The following MYO1D variants were observed in gnomAD, a reference collection of about 807,000 sequenced individuals.
The protein encoded by MYO1D is unconventional myosin-Id.
Under a neutral mutation model 122.0 loss-of-function variants are expected in MYO1D, and 83 were observed. That is an observed-to-expected ratio of 0.68 (90% CI 0.57 to 0.82). MYO1D has a LOEUF of 0.82. MYO1D is among the 40% of genes least tolerant of loss of function. The pLI is 0.00. For missense variants in MYO1D, 1,157 were observed against 1,269.5 expected, an observed-to-expected ratio of 0.91 and a Z score of 1.35; for synonymous variants, 464 against 446.9, an observed-to-expected ratio of 1.04 and a Z score of -0.48.
Position 32,605,123 on chromosome 17 carries a change from C to G in MYO1D, c.2828G>C (p.Gly943Ala), listed in dbSNP as rs761118348. The G allele has an allele frequency of 1.9e-6, 3 of 1,603,998 alleles. No homozygotes were observed. ...SKQPTHESRI[G>A]ELVGVLVNHF... ...ATTCACCAGCACTCCAACAAGTTCTCCAATTCGACTCTCATGGGTTGGCTG... is the reference window on the plus strand; with the variant it reads ...ATTCACCAGCACTCCAACAAGTTCTGCAATTCGACTCTCATGGGTTGGCTG... The change falls in exon 21 of 22, where the codon GGA becomes GCA. Residue 943 changes from glycine (G) to alanine (A), a missense_variant. Coordinates refer to ENST00000318217, the MANE Select transcript of MYO1D (RefSeq NM_015194.3).
chr17:32,698,115 T>C (rs2089196775), intron 16 of MYO1D, among the ~76,000 whole-genome samples: 1 of 152,192 alleles, frequency 6.6e-6, no homozygotes, highest in Non-Finnish European at 1.5e-5. Flanking sequence ...GAAATAATAA[T>C]GGACACTCAT....
intron 21 of MYO1D, among the ~76,000 whole-genome samples, chr17:32,583,052 T>C (rs2087356438): frequency 6.6e-6 from 1 of 152,232 alleles, no homozygotes; most frequent in Non-Finnish European, 1.5e-5. Context: ...GACTTTAACA[T>C]CTCTTGTACT....
chr17:32,745,421 T>A, intron 12 of MYO1D, 136 bp from the exon 13 acceptor site: 1 of 616,544 alleles, frequency 1.6e-6, no homozygotes. Flanking sequence ...GTTCATCTTG[T>A]TCTGTATTAA....
intron 21 of MYO1D, among the ~76,000 whole-genome samples, chr17:32,603,594 T>C (rs1243856008): frequency 1.3e-5 from 2 of 150,268 alleles, no homozygotes; most frequent in Admixed American, 1.3e-4. Context: ...GGCGGGATCT[T>C]GGCTCACAGC....
chr17:32,842,882 CTTTCTT>C (rs1374353221), intron 1 of MYO1D, among the ~76,000 whole-genome samples: 3 of 127,710 alleles, frequency 2.3e-5, no homozygotes, highest in African/African-American at 5.5e-5. Flanking sequence ...ATTTCTATTT[CTTTCTT>C]TTTTTTTTTT....
chr17:32,861,354 C>T (rs1360739112), intron 1 of MYO1D, among the ~76,000 whole-genome samples: 2 of 152,074 alleles, frequency 1.3e-5, no homozygotes, highest in Admixed American at 1.3e-4. Context: ...GTGTGAGCCA[C>T]CGCACCTGGC....
rs530665207 is a variant in MYO1D, at chr17:32,687,289, T to C, written c.2121+24699A>G. On this transcript the variant is annotated intron_variant, in intron 16 of 21. Coordinates refer to ENST00000318217, the MANE Select transcript of MYO1D (RefSeq NM_015194.3). ...TCAGCTCACTGCAAGCTCCGCCTCC[T>C]GGGTTCACGCCATTCTCCTGCCTCA... Among the ~76,000 whole-genome samples the C allele has an allele frequency of 3.2e-4, 49 of 151,402 alleles. No individual in the cohort carries two copies. In the East Asian group the frequency reaches 8.2e-3, roughly 25 times the overall value.
chr17:32,848,770 C>T (rs1260957344), intron 1 of MYO1D, among the ~76,000 whole-genome samples: 1 of 152,080 alleles, frequency 6.6e-6, no homozygotes, highest in African/African-American at 2.4e-5. Context: ...CGTCCCACAC[C>T]CTTCTTGCCA....
At chr17:32,740,038 T>C (rs2089755278) in intron 13 of MYO1D, among the ~76,000 whole-genome samples, 1 of 152,254 alleles carries the variant, frequency 6.6e-6, no homozygotes, top group Admixed American at 6.5e-5. Context: ...TTTCCATTTG[T>C]ACACTTATAT....
At chr17:32,864,785 C>T (rs1824302893) in intron 1 of MYO1D, among the ~76,000 whole-genome samples, 1 of 152,046 alleles carries the variant, frequency 6.6e-6, no homozygotes, top group African/African-American at 2.4e-5. Context: ...AAGTACTATG[C>T]ATTTATTTGT....
At chr17:32,547,488 C>T (rs1191533580) in intron 21 of MYO1D, among the ~76,000 whole-genome samples, 1 of 152,242 alleles carries the variant, frequency 6.6e-6, no homozygotes, top group Non-Finnish European at 1.5e-5. Flanking sequence ...TAACATGTCA[C>T]ACTTCATGTG....
At chr17:32,766,807 C>CAAAAAAAAAAA (rs1404877386) in intron 7 of MYO1D, among the ~76,000 whole-genome samples, 35 of 151,502 alleles carry the variant, frequency 2.3e-4, no homozygotes, top group African/African-American at 7.3e-4. Flanking sequence ...GAAAACAAAA[C>CAAAAAAAAAAA]AACAAAAAAT....
chr17:32,876,864 C>T lies in MYO1D; in HGVS notation c.9G>A (p.Glu3=), dbSNP rs201884002. The part of the protein sequence containing the change: MA[E]QESLEFGKAD... ...CCTTGCCGAATTCCAGGCTCTCCTG[C>T]TCCGCCATGGCGCCAGCGCGGGGGC... The change falls in exon 1 of 22, where the codon GAG becomes GAA. Residue 3 remains glutamate (E), a synonymous_variant. Coordinates refer to ENST00000318217, the MANE Select transcript of MYO1D (RefSeq NM_015194.3). 43 of 1,495,340 alleles carry T rather than the reference C, an allele frequency of 2.9e-5. No individual in the cohort carries two copies. In the East Asian group the frequency reaches 7.9e-4, roughly 28 times the overall value. 92.6% of individuals were successfully genotyped at this position (1,495,340 alleles called of 1,614,324 possible).
At chr17:32,804,079 C>A (rs1231188364) in intron 1 of MYO1D, among the ~76,000 whole-genome samples, 1 of 152,094 alleles carries the variant, frequency 6.6e-6, no homozygotes, top group Non-Finnish European at 1.5e-5. Context: ...TTGTGGATAG[C>A]AGAATTCTTG....
At chr17:32,552,044 T>G (rs960306572) in intron 21 of MYO1D, among the ~76,000 whole-genome samples, 1 of 152,242 alleles carries the variant, frequency 6.6e-6, no homozygotes, top group Admixed American at 6.5e-5. Context: ...TCCCTCATCG[T>G]ACTTTGCAGT....
intron 1 of MYO1D, among the ~76,000 whole-genome samples, chr17:32,835,985 G>T (rs1172876148): frequency 6.6e-6 from 1 of 152,094 alleles, no homozygotes; most frequent in African/African-American, 2.4e-5. Flanking sequence ...TTCATTATGA[G>T]TATAATGCTC....
At chr17:32,662,351 G>A (rs1378360514) in intron 16 of MYO1D, among the ~76,000 whole-genome samples, 1 of 152,184 alleles carries the variant, frequency 6.6e-6, no homozygotes, top group Non-Finnish European at 1.5e-5. Context: ...GACTCAGACT[G>A]CCTGTTTTCA....
chr17:32,780,841 T>A, intron 1 of MYO1D, 57 bp from the exon 2 acceptor site: 1 of 1,526,542 alleles, frequency 6.6e-7, no homozygotes, highest in Non-Finnish European at 9.0e-7. Context: ...AAATGATGTA[T>A]CTGTCCTGTG....
At chr17:32,594,305 A>G in intron 21 of MYO1D, 1 of 362,078 alleles carries the variant, frequency 2.8e-6, no homozygotes, top group Non-Finnish European at 5.0e-6. Context: ...GCCCATTATA[A>G]CAGTAAATTC....
Sources: gnomAD v4.1 joint callset for allele counts (sites outside exome capture counted in the v4.1 genomes callset) on GRCh38, gnomAD v4.1.1 for gene constraint, MANE v1.5 for transcripts, NCBI Gene and HGNC (gene_info 2026-07-23, HGNC 2026-07-21) for gene names.